SLC4A9: variants seen among roughly 807,000 people sequenced by gnomAD.
SLC4A9 encodes the protein solute carrier family 4 member 9.
Under a neutral mutation model 103.2 loss-of-function variants are expected in SLC4A9, and 102 were observed. The observed-to-expected ratio is 0.99, with a 90% CI of 0.84 to 1.17. The LOEUF is 1.17. Among genes scored for constraint, SLC4A9 ranks in the 50% most tolerant of loss-of-function variants. The pLI is 0.00. For synonymous variants in SLC4A9, 453 were observed against 483.6 expected (o/e 0.94, Z 0.83); for missense variants, 1,091 against 1,193.7 (o/e 0.91, Z 1.27).
In SLC4A9 at chr5:140,365,991, G is replaced by A. The variant is rs1171060251; in HGVS notation, c.1868G>A (p.Cys623Tyr). The change falls in exon 13 of 22, where the codon TGT becomes TAT. Residue 623 changes from cysteine to tyrosine, a missense_variant. Coordinates refer to ENST00000506757, the MANE Select transcript of SLC4A9 (RefSeq NM_031467.3). ...TSFFFAMALK[C>Y]VKTSRFFPSV... Reference sequence around the variant, plus strand: ...TTCTTCTTTGCTATGGCCCTCAAGTGTGTAAAGACCAGCCGCTTCTTCCCC... The same window carrying A: ...TTCTTCTTTGCTATGGCCCTCAAGTATGTAAAGACCAGCCGCTTCTTCCCC... 6.2e-7 allele frequency: 1 copy of A among 1,613,986 alleles called. No individual in the cohort carries two copies. Among genetic ancestry groups the A allele is most frequent in the Non-Finnish European group, 8.5e-7 (1 of 1,179,888 alleles).
At chr5:140,371,399 T>G in intron 18 of SLC4A9, 52 bp from the exon 19 acceptor site, 2 of 1,604,060 alleles carry the variant, frequency 1.2e-6, no homozygotes, top group Middle Eastern at 1.7e-4. Context: ...AGTGACACCC[T>G]CCTATCAGGC....
At position 140,361,865 on chromosome 5, in the gene SLC4A9, T is replaced by G. The variant is rs745759507; in HGVS notation, c.561+2T>G. On this transcript the variant is annotated splice_donor_variant, in intron 4 of 21. Transcript: ENST00000506757. LOFTEE classifies it high-confidence loss of function. ...GAGGAAGCCCCCCTGAGGGAACAGGTTTGTGGCCCTTCCTTGGGGTCCCTT... is the reference window on the plus strand; with the variant it reads ...GAGGAAGCCCCCCTGAGGGAACAGGGTTGTGGCCCTTCCTTGGGGTCCCTT... 1.2e-6 allele frequency: 2 copies of G among 1,613,646 alleles called. No individual in the cohort carries two copies. The highest frequency in any genetic ancestry group is 1.7e-6 in the Non-Finnish European group (2 of 1,179,796).
chr5:140,369,291 A>C (rs962658069), intron 17 of SLC4A9, among the ~76,000 whole-genome samples: 3 of 151,928 alleles, frequency 2.0e-5, no homozygotes, highest in Non-Finnish European at 4.4e-5. Context: ...AAAAAAAAAA[A>C]ACAAAAAAAA....
At chr5:140,372,886 G>A (rs1561632167) in intron 21 of SLC4A9, 43 bp downstream of exon 21, 3 of 1,266,220 alleles carry the variant, frequency 2.4e-6, no homozygotes, top group South Asian at 3.0e-5. Context: ...AGGATGGGAG[G>A]TGCGGGTTCA....
Position 140,364,045 on chromosome 5 carries a change from G to A in SLC4A9, c.1255-9G>A. On this transcript the variant is annotated splice_polypyrimidine_tract_variant and intron_variant, in intron 9 of 21. Transcript: ENST00000506757. The stretch of plus-strand genomic sequence containing the variant: ...CAGGGTCCTGTGCTGAGCCCCTGTT[G>A]GCTTCCAGGGAGTGCTGGAAAGTTT... 1 of 1,527,014 alleles carries A rather than the reference G, an allele frequency of 6.5e-7. No individual in the cohort carries two copies. The highest frequency in any genetic ancestry group is 8.8e-7 in the Non-Finnish European group (1 of 1,138,542). 94.6% of individuals were successfully genotyped at this position (1,527,014 alleles called of 1,614,324 possible).
rs963343806 is a variant in SLC4A9 at position 140,371,589 on chromosome 5, A to T, written c.2635A>T (p.Lys879Ter). 2.5e-6 allele frequency: 4 copies of T among 1,613,802 alleles called. No homozygotes were observed. Among genetic ancestry groups the T allele is most frequent in the Non-Finnish European group, 2.5e-6 (3 of 1,179,878 alleles). ...LACLGLLWII[K>*]STPAAIIFPL... ...CTGTCTGGGGCTGCTTTGGATAATC[A>T]AGTCTACCCCTGCAGCCATCATCTT... is the stretch of plus-strand genomic sequence containing the variant. The change falls in exon 19 of 22, where the codon AAG becomes TAG. Residue 879 changes from lysine (K) to a stop codon, truncating the protein, a stop_gained. Coordinates refer to ENST00000506757, the MANE Select transcript of SLC4A9 (RefSeq NM_031467.3). LOFTEE classifies it high-confidence loss of function.
chr5:140,361,225 A>G, intron 2 of SLC4A9, 29 bp from the exon 3 acceptor site: 1 of 1,526,256 alleles, frequency 6.6e-7, no homozygotes, highest in Non-Finnish European at 8.9e-7. Flanking sequence ...AACTCTCAGG[A>G]AGGAGATGAC....
At chr5:140,370,478 C>CA (rs60358613) in intron 17 of SLC4A9, among the ~76,000 whole-genome samples, 4 of 146,976 alleles carry the variant, frequency 2.7e-5, no homozygotes, top group African/African-American at 1.0e-4. Flanking sequence ...AAAAAAAAAA[C>CA]AAAAACAAAA....
At position 140,366,193 on chromosome 5, in the gene SLC4A9, C is replaced by T. The variant is rs1767860166; in HGVS notation, c.1942C>T (p.Leu648=). 2 of 1,612,064 alleles carry T rather than the reference C, an allele frequency of 1.2e-6. No homozygotes were observed. Among genetic ancestry groups the T allele is most frequent in the East Asian group, 4.5e-5 (2 of 44,846 alleles). Residue 648 remains leucine (L), a synonymous_variant, in exon 14 of 22, where the codon CTG becomes TTG. Transcript: ENST00000506757. The part of the protein sequence containing the change: ...LSDFSSVLAI[L]LGCGLDAFLG... Reference sequence around the variant, plus strand: ...CGACTTCTCCTCAGTCCTGGCCATCCTGCTCGGCTGTGGCCTTGATGCTTT... The same window carrying T: ...CGACTTCTCCTCAGTCCTGGCCATCTTGCTCGGCTGTGGCCTTGATGCTTT...
chr5:140,365,252 T>C (rs1561593964), intron 11 of SLC4A9, among the ~76,000 whole-genome samples: 1 of 152,250 alleles, frequency 6.6e-6, no homozygotes, highest in Non-Finnish European at 1.5e-5. Flanking sequence ...CAGATTTGTA[T>C]ACTCCTCTAT....
chr5:140,371,762 CAA>C, intron 19 of SLC4A9, 138 bp downstream of exon 19: 1 of 1,034,562 alleles, frequency 9.7e-7, no homozygotes, highest in East Asian at 2.6e-5. Context: ...AATCCTAAGA[CAA>C]AGAAAAAGAT....
At chr5:140,368,059 G>C (rs970688732) in intron 16 of SLC4A9, among the ~76,000 whole-genome samples, 161 bp downstream of exon 16, 2 of 152,196 alleles carry the variant, frequency 1.3e-5, no homozygotes, top group Non-Finnish European at 2.9e-5. Context: ...GGGTGAGTCA[G>C]ATCTTCCCCT....
In SLC4A9 at chr5:140,367,528, A is replaced by T; in HGVS notation, c.2122A>T (p.Met708Leu). The change falls in exon 15 of 22, where the codon ATG becomes TTG. Residue 708 changes from methionine to leucine, a missense_variant. Transcript: ENST00000506757. ...CCTGCTGCTGTCTATCCTCATCTTC[A>T]TGGACCAACAGATCACAGCAGTCAT... ...PALLLSILIFMDQQITAVILN... is the reference protein window; with the variant it reads ...PALLLSILIFLDQQITAVILN... 6.2e-7 allele frequency: 1 copy of T among 1,604,240 alleles called. No homozygotes were observed. The highest frequency in any genetic ancestry group is 8.5e-7 in the Non-Finnish European group (1 of 1,175,614).
At position 140,365,901 on chromosome 5, in the gene SLC4A9, G is replaced by T. The variant is rs200411360; in HGVS notation, c.1778G>T (p.Arg593Leu). 3 of 1,613,966 alleles carry T rather than the reference G, an allele frequency of 1.9e-6. No homozygotes were observed. Among genetic ancestry groups the T allele is most frequent in the African/African-American group, 1.3e-5 (1 of 75,038 alleles). ...TGCACCCGGCAGGGAGGCCACCCTC[G>T]TGGCCCTGGCTGTCATACAGTCCCA... ...PECTRQGGHP[R>L]GPGCHTVPDI... Residue 593 changes from arginine (R) to leucine (L), a missense_variant, in exon 13 of 22, where the codon CGT becomes CTT. Arg to Leu is a moderately radical substitution (Grantham distance 102, BLOSUM62 -2). Transcript: ENST00000506757.
chr5:140,366,011 T>G lies in SLC4A9; in HGVS notation c.1888T>G (p.Phe630Val). 6.2e-7 allele frequency: 1 copy of G among 1,614,008 alleles called. No individual in the cohort carries two copies. Among genetic ancestry groups the G allele is most frequent in the South Asian group, 1.1e-5 (1 of 91,090 alleles). ...CAAGTGTGTAAAGACCAGCCGCTTC[T>G]TCCCCTCTGTGGTGAGTTTCACCTT... ...ALKCVKTSRF[F>V]PSVVRKGLSD... Residue 630 changes from phenylalanine (F) to valine (V), a missense_variant, in exon 13 of 22, where the codon TTC becomes GTC. Physicochemically the swap from Phe to Val is conservative, Grantham distance 50. Coordinates refer to ENST00000506757, the MANE Select transcript of SLC4A9 (RefSeq NM_031467.3).
Position 140,371,587 on chromosome 5 carries a change from T to C in SLC4A9, c.2633T>C (p.Ile878Thr), listed in dbSNP as rs748642568. 10 of 1,613,990 alleles carry C rather than the reference T, an allele frequency of 6.2e-6. No individual in the cohort carries two copies. In the East Asian group the frequency reaches 2.0e-4, roughly 32 times the overall value. ...QLACLGLLWIIKSTPAAIIFP... is the reference protein window; with the variant it reads ...QLACLGLLWITKSTPAAIIFP... ...GCCTGTCTGGGGCTGCTTTGGATAA[T>C]CAAGTCTACCCCTGCAGCCATCATC... is the stretch of plus-strand genomic sequence containing the variant. Residue 878 changes from isoleucine to threonine, a missense_variant, in exon 19 of 22, where the codon ATC (isoleucine) becomes ACC (threonine). Coordinates refer to ENST00000506757, the MANE Select transcript of SLC4A9 (RefSeq NM_031467.3).
rs1413268842 is a variant in SLC4A9 at position 140,363,087 on chromosome 5, C to T, written c.962+21C>T. On this transcript the variant is annotated intron_variant, in intron 7 of 21. Coordinates refer to ENST00000506757, the MANE Select transcript of SLC4A9 (RefSeq NM_031467.3). This position sits in a 1 kb window ranked among gnomAD's most constrained non-coding sequence, Gnocchi z 4.5. ...AAAAGGTACCTGGGAGCCATCATCC[C>T]ATACAGATTCCTGCCCATATAGGCC... 1.9e-6 allele frequency: 3 copies of T among 1,608,176 alleles called. No homozygotes were observed. In the African/African-American group the frequency reaches 4.0e-5, roughly 22 times the overall value.
intron 17 of SLC4A9, among the ~76,000 whole-genome samples, chr5:140,369,053 T>C (rs1000808996): frequency 1.3e-5 from 2 of 152,136 alleles, no homozygotes; most frequent in Non-Finnish European, 2.9e-5. Flanking sequence ...CCAGGTGCGG[T>C]GGCTCATGCC....
At chr5:140,370,451 C>T (rs771169318) in intron 17 of SLC4A9, among the ~76,000 whole-genome samples, 8 of 144,296 alleles carry the variant, frequency 5.5e-5, no homozygotes, top group South Asian at 2.2e-4. Context: ...GGTGGAAGAA[C>T]GAAACTCCAC....
Sources: gnomAD v4.1 joint callset for allele counts (sites outside exome capture counted in the v4.1 genomes callset) on GRCh38, gnomAD v4.1.1 for gene constraint, Gnocchi (gnomAD v3.1) non-coding constraint, MANE v1.5 for transcripts, NCBI Gene and HGNC (gene_info 2026-07-23, HGNC 2026-07-21) for gene names.